EPAS1: variants seen among roughly 807,000 people sequenced by gnomAD.
EPAS1 encodes endothelial PAS domain protein 1.
A neutral mutation model predicts 87.9 loss-of-function variants in EPAS1; 23 were observed. The ratio of observed to expected loss-of-function variants is 0.26; its 90% confidence interval spans 0.19 to 0.37. The LOEUF is 0.37. Among genes scored for constraint, EPAS1 ranks in the 10% least tolerant of loss-of-function variants. EPAS1 has a pLI of 1.00. For synonymous variants in EPAS1, 508 were observed against 444.3 expected, an observed-to-expected ratio of 1.14 and a Z score of -1.80; for missense variants, 1,138 against 1,120.7, an observed-to-expected ratio of 1.02 and a Z score of -0.22.
intron 3 of EPAS1, 54 bp downstream of exon 3, chr2:46,356,356 G>T: frequency 3.1e-6 from 5 of 1,607,460 alleles, no homozygotes; most frequent in Non-Finnish European, 4.3e-6. Context: ...TTTGGGGGTA[G>T]AAATGAGTGG....
At position 46,380,424 on chromosome 2, in the gene EPAS1, C is replaced by G. The variant is rs367769003; in HGVS notation, c.1752C>G (p.Leu584=). ...CTGTAGCCCCGCACAGTCCCTTCCT[C>G]CTGGACAAGTTTCAGCAGCAGCTGG... ...LAPVAPHSPF[L]LDKFQQQLES... The change falls in exon 12 of 16, where the codon CTC becomes CTG. Residue 584 remains leucine (L), a synonymous_variant. Transcript: ENST00000263734. This position sits in a 1 kb window ranked among gnomAD's most constrained non-coding sequence, Gnocchi z 4.4. 2.3e-5 allele frequency: 37 copies of G among 1,614,212 alleles called. No individual in the cohort carries two copies. In the Middle Eastern group the frequency reaches 8.2e-4, roughly 36 times the overall value.
Position 46,346,783 on chromosome 2 carries a change from C to T in EPAS1, c.27-90C>T, listed in dbSNP as rs528726139. The T allele has an allele frequency of 1.4e-5, 20 of 1,403,756 alleles. No individual in the cohort carries two copies. The highest frequency in any genetic ancestry group is 9.6e-5 in the East Asian group (4 of 41,506). 87.0% of individuals were successfully genotyped at this position (1,403,756 alleles called of 1,614,324 possible). A position where few individuals can be genotyped will look rare whatever the true frequency, so the allele number is the denominator to read the frequency against. On this transcript the variant is annotated intron_variant, in intron 1 of 15. Coordinates refer to ENST00000263734, the MANE Select transcript of EPAS1 (RefSeq NM_001430.5). This position sits in a 1 kb window ranked among gnomAD's most constrained non-coding sequence, Gnocchi z 4.0. ...AGTCTAGTAAGGGAGTGTGGCTGCA[C>T]TGGGGGTTGGGGCCATGGGGATGTC...
chr2:46,366,748 G>A (rs1362909307), intron 6 of EPAS1, among the ~76,000 whole-genome samples: 2 of 152,236 alleles, frequency 1.3e-5, no homozygotes, highest in Non-Finnish European at 2.9e-5. Flanking sequence ...CCTGGCCCCT[G>A]ATGGAGAGAG....
At chr2:46,363,369 C>G (rs1446134263) in intron 6 of EPAS1, among the ~76,000 whole-genome samples, 3 of 152,198 alleles carry the variant, frequency 2.0e-5, no homozygotes, top group African/African-American at 7.2e-5. Context: ...CCCTACTGTC[C>G]TAGAAAATAA....
At chr2:46,326,797 G>C (rs1050838974) in intron 1 of EPAS1, among the ~76,000 whole-genome samples, 1 of 152,178 alleles carries the variant, frequency 6.6e-6, no homozygotes, top group Admixed American at 6.5e-5. Flanking sequence ...CAAGACAGGA[G>C]ATAGTAAATA....
Position 46,378,096 on chromosome 2 carries a change from C to T in EPAS1, c.1443+9C>T, listed in dbSNP as rs572605312. ...GCAGCAGCTGCTCCACGGTGAGCAG[C>T]CCTCTTATGGCGAGGACACAGAGAG... On this transcript the variant is annotated intron_variant, in intron 10 of 15. Transcript: ENST00000263734. The T allele has an allele frequency of 1.3e-6, 2 of 1,592,662 alleles. No homozygotes were observed. The highest frequency in any genetic ancestry group is 1.7e-6 in the Non-Finnish European group (2 of 1,170,826).
chr2:46,351,242 A>C (rs1419165844), intron 2 of EPAS1, among the ~76,000 whole-genome samples: 7 of 152,204 alleles, frequency 4.6e-5, no homozygotes. Context: ...CATTCCTTTA[A>C]CTTAAACTAA....
chr2:46,381,289 T>G (rs1280797142), intron 12 of EPAS1: 3 of 437,610 alleles, frequency 6.9e-6, no homozygotes, highest in Admixed American at 3.5e-5. Context: ...AAACTAGTTT[T>G]CAGTGGGAGC....
chr2:46,313,103 C>T (rs1186370706), intron 1 of EPAS1, among the ~76,000 whole-genome samples: 6 of 152,186 alleles, frequency 3.9e-5, no homozygotes, highest in Non-Finnish European at 5.9e-5. Context: ...AGAAACAGAG[C>T]GAATGTTGAC....
chr2:46,376,482 G>A (rs1684750231), intron 8 of EPAS1, 57 bp from the exon 9 acceptor site: 7 of 1,576,552 alleles, frequency 4.4e-6, no homozygotes, highest in African/African-American at 4.0e-5. Context: ...GCATCTAGGG[G>A]AGCAGAATTT....
intron 7 of EPAS1, among the ~76,000 whole-genome samples, chr2:46,374,931 G>T (rs2103660599): frequency 6.6e-6 from 1 of 152,242 alleles, no homozygotes; most frequent in Non-Finnish European, 1.5e-5. Flanking sequence ...TAGCTGGGCG[G>T]TTGGGAGAAG....
At chr2:46,319,082 T>A (rs1683404415) in intron 1 of EPAS1, among the ~76,000 whole-genome samples, 1 of 152,246 alleles carries the variant, frequency 6.6e-6, no homozygotes, top group Non-Finnish European at 1.5e-5. Flanking sequence ...GCGGCATCTT[T>A]TCTATATTTC....
Position 46,297,557 on chromosome 2 carries a change from G to C in EPAS1, c.-355G>C. The C allele has an allele frequency of 3.1e-6, 1 of 326,960 alleles. No individual in the cohort carries two copies. Among genetic ancestry groups the C allele is most frequent in the Non-Finnish European group, 5.8e-6 (1 of 173,614 alleles). The allele number at this position is 326,960 out of a possible 1,614,324, so 20.3% of individuals were successfully genotyped here. ...ACTCCTTCCGACTCCCAGCATTCGA[G>C]CCACTTTTTTTTTTCTTTGAAAACT... On this transcript the variant is annotated 5_prime_UTR_variant, in exon 1 of 16. Transcript: ENST00000263734.
At chr2:46,302,118 C>CTCTCTG (rs35925160) in intron 1 of EPAS1, among the ~76,000 whole-genome samples, 4 of 127,578 alleles carry the variant, frequency 3.1e-5, no homozygotes, top group African/African-American at 9.7e-5. Context: ...CTCTTTCTCT[C>CTCTCTG]TGTGTGTGTG....
At chr2:46,361,178 CTGAACATAG>C in intron 6 of EPAS1, 88 bp downstream of exon 6, 1 of 1,418,210 alleles carries the variant, frequency 7.1e-7, no homozygotes, top group South Asian at 1.2e-5. Context: ...AGGTGTGGAA[CTGAACATAG>C]ACGTGGTATT....
chr2:46,363,616 A>G (rs1684447344), intron 6 of EPAS1, among the ~76,000 whole-genome samples: 1 of 152,186 alleles, frequency 6.6e-6, no homozygotes, highest in Non-Finnish European at 1.5e-5. Flanking sequence ...TGTACATAGA[A>G]AGGGGAAAGA....
intron 1 of EPAS1, among the ~76,000 whole-genome samples, chr2:46,324,715 A>T (rs1019620256): frequency 6.6e-5 from 10 of 152,256 alleles, no homozygotes; most frequent in South Asian, 2.1e-4. Flanking sequence ...AAGGCACATT[A>T]TTAAAAGCAG....
chr2:46,303,920 G>A (rs759282777), intron 1 of EPAS1, among the ~76,000 whole-genome samples: 16 of 152,108 alleles, frequency 1.1e-4, no homozygotes, highest in East Asian at 1.9e-4. Context: ...CTGAGGTGCC[G>A]CTTAATCTTC....
chr2:46,303,644 G>A (rs1301876575), intron 1 of EPAS1, among the ~76,000 whole-genome samples: 1 of 152,196 alleles, frequency 6.6e-6, no homozygotes, highest in Non-Finnish European at 1.5e-5. Flanking sequence ...TCAGAGGCTG[G>A]CGTGTAAATC....
Sources: allele counts gnomAD v4.1 joint callset (sites outside exome capture counted in the v4.1 genomes callset), GRCh38; gene constraint gnomAD v4.1.1; non-coding constraint Gnocchi (gnomAD v3.1); transcripts MANE v1.5; gene names NCBI Gene and HGNC (gene_info 2026-07-23, HGNC 2026-07-21).